LLGL2: variants seen among roughly 807,000 people sequenced by gnomAD.
LLGL2 encodes the protein LLGL scribble cell polarity complex component 2, also known as LLGL2, scribble cell polarity complex component.
In LLGL2, 81 loss-of-function variants were observed where a neutral mutation model predicts 123.2. The ratio of observed to expected loss-of-function variants is 0.66; its 90% confidence interval spans 0.55 to 0.79. LLGL2 has a LOEUF of 0.79. Ranked by LOEUF, LLGL2 falls within the 30% of genes least tolerant of loss-of-function variation. The probability of loss-of-function intolerance (pLI) is 0.00; values close to 1 mark genes in which losing one functional copy is unlikely to be tolerated. For missense variants in LLGL2, 1,273 were observed against 1,414.6 expected, an observed-to-expected ratio of 0.90 and a Z score of 1.61; for synonymous variants, 577 against 594.1, an observed-to-expected ratio of 0.97 and a Z score of 0.42.
intron 1 of LLGL2, among the ~76,000 whole-genome samples, chr17:75,534,512 G>A (rs1301235588): frequency 6.6e-6 from 1 of 151,872 alleles, no homozygotes; most frequent in East Asian, 1.9e-4. Context: ...AAAAGGTCTC[G>A]CTCTGTCACC....
At chr17:75,532,048 G>GTA (rs199921029) in intron 1 of LLGL2, among the ~76,000 whole-genome samples, 26 of 95,558 alleles carry the variant, frequency 2.7e-4, no homozygotes, top group Admixed American at 4.5e-4. Context: ...TTATATATAT[G>GTA]TATATATACA....
chr17:75,568,317 C>T (rs950720748), intron 10 of LLGL2, 159 bp from the exon 11 acceptor site: 8 of 1,440,632 alleles, frequency 5.6e-6, no homozygotes, highest in Non-Finnish European at 6.3e-6. Context: ...CTGCCCACAC[C>T]TGCTGCCCTC....
chr17:75,567,944 A>T, intron 10 of LLGL2: 1 of 576,202 alleles, frequency 1.7e-6, no homozygotes, highest in Non-Finnish European at 2.2e-6. Flanking sequence ...CCCTGTCTCG[A>T]GAAAAGAAAA....
chr17:75,573,218 T>C lies in LLGL2; in HGVS notation c.2665T>C (p.Cys889Arg), dbSNP rs767683134. ...PLLKPQVRYS[C>R]IRREDVSGIA... ...GCTCAAGCCCCAGGTGCGCTACAGC[T>C]GCATCCGCCGGGAGGACGTCAGTGG... Residue 889 changes from cysteine to arginine, a missense_variant, in exon 20 of 26, where the codon TGC (cysteine) becomes CGC (arginine). Coordinates refer to ENST00000392550, the MANE Select transcript of LLGL2 (RefSeq NM_001031803.2). 11 of 1,611,448 alleles carry C rather than the reference T, an allele frequency of 6.8e-6. No homozygotes were observed. Among genetic ancestry groups the C allele is most frequent in the Non-Finnish European group, 9.3e-6 (11 of 1,178,798 alleles).
intron 1 of LLGL2, among the ~76,000 whole-genome samples, chr17:75,536,810 C>A (rs1017686266): frequency 1.3e-5 from 2 of 152,188 alleles, no homozygotes. Context: ...ATGAAATGGT[C>A]TTTTCTCCAT....
rs916438926 is a variant in LLGL2, at chr17:75,549,656, C to T, written c.75+6155C>T. Among the ~76,000 whole-genome samples the T allele has an allele frequency of 6.6e-6, 1 of 152,230 alleles. No individual in the cohort carries two copies. The highest frequency in any genetic ancestry group is 1.5e-5 in the Non-Finnish European group (1 of 68,028). ...CCCAGCCAGTATCGGGCAGAGTGGC[C>T]CGGCCAGGCAGGAGTGCTCCCCCAA... On this transcript the variant is annotated intron_variant, in intron 2 of 25. Transcript: ENST00000392550. The surrounding 1 kb of genome is among the most constrained non-coding windows in gnomAD (Gnocchi z 4.0).
chr17:75,550,432 T>C lies in LLGL2; in HGVS notation c.76-5614T>C, dbSNP rs547052204. Among the ~76,000 whole-genome samples the C allele has an allele frequency of 5.4e-5, 8 of 146,936 alleles. No individual in the cohort carries two copies. In the South Asian group the frequency reaches 1.7e-3, roughly 32 times the overall value. On this transcript the variant is annotated intron_variant, in intron 2 of 25. Coordinates refer to ENST00000392550, the MANE Select transcript of LLGL2 (RefSeq NM_001031803.2). Reference sequence around the variant, plus strand: ...TGTTCAGCAGCAGGGAAGCTAAGCCTTACAAGGCTGGTAGGAGTTGGGGGT... The same window carrying C: ...TGTTCAGCAGCAGGGAAGCTAAGCCCTACAAGGCTGGTAGGAGTTGGGGGT...
At chr17:75,541,377 C>T (rs1332627519) in intron 1 of LLGL2, among the ~76,000 whole-genome samples, 3 of 152,242 alleles carry the variant, frequency 2.0e-5, no homozygotes, top group Non-Finnish European at 4.4e-5. Context: ...AGCTGCCCTC[C>T]CCCAGGCTGC....
At chr17:75,574,530 G>A (rs1226402817) in intron 24 of LLGL2, 35 bp downstream of exon 24, 25 of 1,578,212 alleles carry the variant, frequency 1.6e-5, no homozygotes, top group Admixed American at 3.7e-5. Flanking sequence ...GGGTGGGCCC[G>A]AGGCTCTGCC....
At chr17:75,571,560 C>T in intron 17 of LLGL2, 107 bp from the exon 18 acceptor site, 1 of 798,948 alleles carries the variant, frequency 1.3e-6, no homozygotes, top group Non-Finnish European at 2.1e-6. Context: ...TGTCAGAGAG[C>T]CTTCCAGCCT....
chr17:75,533,267 G>A (rs1483291726), intron 1 of LLGL2, among the ~76,000 whole-genome samples: 13 of 147,844 alleles, frequency 8.8e-5, no homozygotes, highest in Non-Finnish European at 4.5e-5. Context: ...CCAAAATGCT[G>A]GGATTACAGG....
Position 75,563,151 on chromosome 17 carries a change from C to G in LLGL2, c.666C>G (p.Arg222=). Residue 222 remains arginine (R), a synonymous_variant, in exon 7 of 26, where the codon CGC becomes CGG. Transcript: ENST00000392550. ...LVVIWDLQGS[R]VLYHFLSSQQ... ...TCATCTGGGACCTACAGGGCAGCCG[C>G]GTGCTCTACCACTTCCTCAGCAGCC... The G allele has an allele frequency of 6.2e-7, 1 of 1,613,134 alleles. No individual in the cohort carries two copies. The highest frequency in any genetic ancestry group is 8.5e-7 in the Non-Finnish European group (1 of 1,180,026).
At chr17:75,562,685 C>T (rs2147445129) in intron 6 of LLGL2, 1 of 281,588 alleles carries the variant, frequency 3.6e-6, no homozygotes, top group South Asian at 4.9e-5. Context: ...TCTCCCGCCT[C>T]CGCCTCCCAA....
At chr17:75,536,522 C>A (rs1326755806) in intron 1 of LLGL2, among the ~76,000 whole-genome samples, 1 of 152,200 alleles carries the variant, frequency 6.6e-6, no homozygotes, top group Admixed American at 6.5e-5. Context: ...TCTCCCCACT[C>A]AGGTTGCGGT....
intron 1 of LLGL2, among the ~76,000 whole-genome samples, chr17:75,526,808 G>A (rs534554646): frequency 6.6e-6 from 1 of 152,240 alleles, no homozygotes; most frequent in East Asian, 1.9e-4. Flanking sequence ...ACAAGGAAAC[G>A]CTGGTAGGAA....
chr17:75,570,887 C>CGAA, intron 16 of LLGL2, 63 bp from the exon 17 acceptor site: 1 of 1,530,692 alleles, frequency 6.5e-7, no homozygotes, highest in African/African-American at 1.4e-5. Context: ...CAGCACTGAG[C>CGAA]GAAGCACTGT....
intron 2 of LLGL2, among the ~76,000 whole-genome samples, chr17:75,554,995 G>A (rs1053171754): frequency 4.0e-5 from 6 of 151,424 alleles, no homozygotes; most frequent in African/African-American, 9.7e-5. Flanking sequence ...ATAGAGACAC[G>A]GTGAAACCTG....
At position 75,563,819 on chromosome 17, in the gene LLGL2, G is replaced by C. The variant is rs765711964; in HGVS notation, c.881+13G>C. 2 of 1,613,688 alleles carry C rather than the reference G, an allele frequency of 1.2e-6. No individual in the cohort carries two copies. The highest frequency in any genetic ancestry group is 1.7e-6 in the Non-Finnish European group (2 of 1,179,876). ...CCACTAGGCAGGGGTAGGTATCCAT[G>C]CTGGTCCTCTTTCCTCTCCAGAGCC... is the stretch of plus-strand genomic sequence containing the variant. On this transcript the variant is annotated intron_variant, in intron 9 of 25. Coordinates refer to ENST00000392550, the MANE Select transcript of LLGL2 (RefSeq NM_001031803.2).
chr17:75,573,176 G>T lies in LLGL2; in HGVS notation c.2623G>T (p.Val875Leu). 1 of 1,613,070 alleles carries T rather than the reference G, an allele frequency of 6.2e-7. No individual in the cohort carries two copies. Among genetic ancestry groups the T allele is most frequent in the Non-Finnish European group, 8.5e-7 (1 of 1,179,932 alleles). Residue 875 changes from valine to leucine, a missense_variant, in exon 20 of 26, where the codon GTG (valine) becomes TTG (leucine). Val to Leu is a conservative substitution (Grantham distance 32). Coordinates refer to ENST00000392550, the MANE Select transcript of LLGL2 (RefSeq NM_001031803.2). ...CCTTACCAACCTGGGCGACATCCAG[G>T]TGGTCTCGCTGCCCCTGCTCAAGCC... ...AVLTNLGDIQ[V>L]VSLPLLKPQV...
Sources: allele counts gnomAD v4.1 joint callset (sites outside exome capture counted in the v4.1 genomes callset), GRCh38; gene constraint gnomAD v4.1.1; non-coding constraint Gnocchi (gnomAD v3.1); transcripts MANE v1.5; gene names NCBI Gene and HGNC (gene_info 2026-07-23, HGNC 2026-07-21).